Variants in SLC16A6 observed in about 807,000 individuals in gnomAD.
SLC16A6 encodes solute carrier family 16 member 6.
Under a neutral mutation model 33.8 loss-of-function variants are expected in SLC16A6, and 15 were observed. The observed-to-expected ratio is 0.44, with a 90% confidence interval of 0.30 to 0.68. The LOEUF (loss-of-function observed/expected upper bound fraction) is 0.68. SLC16A6 is among the 30% of genes least tolerant of loss of function. The pLI is 0.10. For synonymous variants in SLC16A6, 219 were observed against 248.4 expected, an observed-to-expected ratio of 0.88 and a Z score of 1.11; for missense variants, 451 against 661.5, an observed-to-expected ratio of 0.68 and a Z score of 3.49.
chr17:68,273,146 T>G (rs1332381579), intron 3 of SLC16A6, among the ~76,000 whole-genome samples: 1 of 152,170 alleles, frequency 6.6e-6, no homozygotes, highest in Non-Finnish European at 1.5e-5. Context: ...TCTGCAAATC[T>G]TAACAACTGT....
At chr17:68,280,187 A>C (rs2145089746) in intron 1 of SLC16A6, among the ~76,000 whole-genome samples, 1 of 151,558 alleles carries the variant, frequency 6.6e-6, no homozygotes, top group African/African-American at 2.4e-5. Context: ...CTCAAAAAAA[A>C]AAAAAAAAAA....
At chr17:68,279,732 C>T (rs546892699) in intron 1 of SLC16A6, among the ~76,000 whole-genome samples, 1 of 152,186 alleles carries the variant, frequency 6.6e-6, no homozygotes, top group African/African-American at 2.4e-5. Flanking sequence ...GGATTGGGCT[C>T]TAGCACATGA....
intron 1 of SLC16A6, among the ~76,000 whole-genome samples, chr17:68,282,244 C>T (rs560488368): frequency 3.3e-5 from 5 of 151,840 alleles, no homozygotes; most frequent in African/African-American, 9.7e-5. Context: ...AGCAAACTAT[C>T]GCAAGGACAA....
chr17:68,278,681 G>T (rs1453982758), intron 1 of SLC16A6, among the ~76,000 whole-genome samples: 1 of 136,194 alleles, frequency 7.3e-6, no homozygotes, highest in East Asian at 2.1e-4. Context: ...GTGTAGTTGT[G>T]TGATCTTGGC....
chr17:68,284,103 C>CA (rs1189737736), intron 1 of SLC16A6, among the ~76,000 whole-genome samples: 17,079 of 55,838 alleles, frequency 0.31, 2,251 homozygotes, highest in African/African-American at 0.37. Flanking sequence ...GACTCTGTCT[C>CA]AAAAAAAAAA....
In SLC16A6 at chr17:68,269,067, C is replaced by A; in HGVS notation, c.*29G>T. 1 of 1,581,926 alleles carries A rather than the reference C, an allele frequency of 6.3e-7. No homozygotes were observed. On this transcript the variant is annotated 3_prime_UTR_variant, in exon 6 of 6. Transcript: ENST00000580666. ...GCCCACCCCATCCCTCTCCAGCCAA[C>A]ACAGTGGCTGTTGTTGTAAGAAAGT...
chr17:68,289,662 C>G (rs1004966158), intron 1 of SLC16A6, among the ~76,000 whole-genome samples: 5 of 152,188 alleles, frequency 3.3e-5, no homozygotes, highest in Non-Finnish European at 2.9e-5. Context: ...ATTTCCAAAC[C>G]TAACCTGGAT....
chr17:68,290,666 AGGAAG>A (rs2075955192), intron 1 of SLC16A6, among the ~76,000 whole-genome samples: 1 of 152,334 alleles, frequency 6.6e-6, no homozygotes, highest in Non-Finnish European at 1.5e-5. Flanking sequence ...AGCCTGGGGT[AGGAAG>A]GTACCTCTGA....
chr17:68,291,024 TA>T (rs1425570767), intron 1 of SLC16A6, 61 bp downstream of exon 1: 1 of 152,126 alleles, frequency 6.6e-6, no homozygotes, highest in African/African-American at 2.4e-5. Flanking sequence ...ACATATTTTT[TA>T]AAAAACAACC....
Position 68,268,727 on chromosome 17 carries a change from C to G in SLC16A6, c.*369G>C. On this transcript the variant is annotated 3_prime_UTR_variant, in exon 6 of 6. Coordinates refer to ENST00000580666, the MANE Select transcript of SLC16A6 (RefSeq NM_004694.5). ...AAGAAAGAAAAGAAAAAAAGAAAAT[C>G]ATTTATCCCACGTGAAAGCTTTTAA... The G allele has an allele frequency of 5.1e-6, 1 of 195,612 alleles. No homozygotes were observed. Among genetic ancestry groups the G allele is most frequent in the South Asian group, 9.8e-5 (1 of 10,196 alleles). The allele number at this position is 195,612 out of a possible 1,614,324, so 12.1% of individuals were successfully genotyped here.
intron 2 of SLC16A6, among the ~76,000 whole-genome samples, chr17:68,275,921 T>G (rs2075501209): frequency 6.6e-6 from 1 of 150,410 alleles, no homozygotes; most frequent in Non-Finnish European, 1.5e-5. Flanking sequence ...AGGCGGAGGT[T>G]GCAGTGAGCT....
intron 1 of SLC16A6, among the ~76,000 whole-genome samples, chr17:68,281,948 C>T (rs2075708690): frequency 6.6e-6 from 1 of 152,170 alleles, no homozygotes; most frequent in Non-Finnish European, 1.5e-5. Context: ...TGTGGCAATT[C>T]CTCAAGGATC....
rs2075325624 is a variant in SLC16A6, at chr17:68,271,150, G to A, written c.1010C>T (p.Ala337Val). 6.2e-7 allele frequency: 1 copy of A among 1,614,000 alleles called. No homozygotes were observed. Among genetic ancestry groups the A allele is most frequent in the African/African-American group, 1.3e-5 (1 of 74,932 alleles). The change falls in exon 5 of 6, where the codon GCC becomes GTC. Residue 337 changes from alanine to valine, a missense_variant. Coordinates refer to ENST00000580666, the MANE Select transcript of SLC16A6 (RefSeq NM_004694.5). The surrounding 1 kb of genome is among the most constrained non-coding windows in gnomAD (Gnocchi z 5.3). ...GATCCTTCCGAAAACTTCTGCAATG[G>A]CCATCGTAGATAATAAAAAAGCAGC... Reference protein sequence around the residue: ...DRAAFLLSTMAIAEVFGRIGA... With the variant: ...DRAAFLLSTMVIAEVFGRIGA...
chr17:68,277,400 G>A (rs920996264), intron 2 of SLC16A6, among the ~76,000 whole-genome samples: 2 of 151,662 alleles, frequency 1.3e-5, no homozygotes, highest in African/African-American at 4.8e-5. Flanking sequence ...AAAGTGCTGG[G>A]ATTACAGGCG....
chr17:68,290,680 G>GA (rs1219593346), intron 1 of SLC16A6, among the ~76,000 whole-genome samples: 1 of 152,246 alleles, frequency 6.6e-6, no homozygotes, highest in African/African-American at 2.4e-5. Context: ...AGGTACCTCT[G>GA]ACATTTCGCT....
chr17:68,274,147 G>A (rs1332320664), intron 2 of SLC16A6, 77 bp from the exon 3 acceptor site: 12 of 1,476,930 alleles, frequency 8.1e-6, no homozygotes, highest in East Asian at 2.3e-5. Flanking sequence ...CTTCCTCCAC[G>A]TCTTGCACAT....
intron 1 of SLC16A6, among the ~76,000 whole-genome samples, chr17:68,280,525 G>C (rs1169025227): frequency 6.6e-6 from 1 of 152,204 alleles, no homozygotes; most frequent in Admixed American, 6.5e-5. Context: ...AGGTGCCAAA[G>C]ACATTCATTG....
At chr17:68,283,133 ATTTTT>A (rs1226967573) in intron 1 of SLC16A6, 1 of 151,300 alleles carries the variant, frequency 6.6e-6, no homozygotes, top group African/African-American at 2.4e-5. Flanking sequence ...TCTAAAAAAA[ATTTTT>A]TTTTAAGTTG....
At position 68,271,604 on chromosome 17, in the gene SLC16A6, C is replaced by T. The variant is rs1253353656; in HGVS notation, c.556G>A (p.Val186Met). The T allele has an allele frequency of 1.4e-5, 23 of 1,613,858 alleles. No individual in the cohort carries two copies. The highest frequency in any genetic ancestry group is 2.2e-5 in the South Asian group (2 of 91,092). The change falls in exon 5 of 6, where the codon GTG (valine) becomes ATG (methionine). Residue 186 changes from valine to methionine, a missense_variant. Physicochemically the swap from Val to Met is conservative, Grantham distance 21. Transcript: ENST00000580666. This position sits in a 1 kb window ranked among gnomAD's most constrained non-coding sequence, Gnocchi z 5.3. ...RIGWRYSLLF[V>M]GLLQLNIVIF... ...ACAATGTTTAACTGTAGTAGGCCCA[C>T]GAAGAGGAGGCTGTATCTCCAGCCA...
Sources: allele counts gnomAD v4.1 joint callset (sites outside exome capture counted in the v4.1 genomes callset), GRCh38; gene constraint gnomAD v4.1.1; non-coding constraint Gnocchi (gnomAD v3.1); transcripts MANE v1.5; gene names NCBI Gene and HGNC (gene_info 2026-07-23, HGNC 2026-07-21).